PLEKHA6: variants seen among roughly 807,000 people sequenced by gnomAD.
PLEKHA6 encodes the protein pleckstrin homology domain containing A6, also known as pleckstrin homology domain-containing family A member 6.
In PLEKHA6, 60 loss-of-function variants were observed where a neutral mutation model predicts 116.7. That is an observed-to-expected ratio of 0.51 (90% CI 0.42 to 0.64). The LOEUF is 0.64. PLEKHA6 is among the 30% of genes least tolerant of loss of function. The pLI, the probability that PLEKHA6 is intolerant of heterozygous loss-of-function variation, is 0.00. For synonymous variants in PLEKHA6, 489 were observed against 556.1 expected, an observed-to-expected ratio of 0.88 and a Z score of 1.70; for missense variants, 1,338 against 1,422.7, an observed-to-expected ratio of 0.94 and a Z score of 0.96.
chr1:204,230,383 C>T (rs1660999921), intron 18 of PLEKHA6, 30 bp downstream of exon 18: 2 of 1,527,202 alleles, frequency 1.3e-6, no homozygotes, highest in Admixed American at 2.0e-5. Context: ...ATGCCAGGCT[C>T]ACGCCTGTGG....
At chr1:204,353,026 A>G (rs1427446424) in intron 1 of PLEKHA6, among the ~76,000 whole-genome samples, 1 of 152,144 alleles carries the variant, frequency 6.6e-6, no homozygotes, top group African/African-American at 2.4e-5. Context: ...TTTGCAACCT[A>G]GTACCTGCCT....
intron 1 of PLEKHA6, chr1:204,347,027 T>A: frequency 6.9e-7 from 1 of 1,440,454 alleles, no homozygotes; most frequent in Non-Finnish European, 9.7e-7. Flanking sequence ...TTAACTTGTT[T>A]GTTTACAACA....
chr1:204,279,147 G>A (rs1358949420), intron 1 of PLEKHA6, among the ~76,000 whole-genome samples: 1 of 152,168 alleles, frequency 6.6e-6, no homozygotes, highest in Non-Finnish European at 1.5e-5. Context: ...GGGAAAATGA[G>A]CTTTCTTCCT....
intron 3 of PLEKHA6, among the ~76,000 whole-genome samples, chr1:204,269,034 C>T (rs1667155392): frequency 6.6e-6 from 1 of 152,098 alleles, no homozygotes; most frequent in Admixed American, 6.5e-5. Flanking sequence ...TCCCCGGCTC[C>T]AGCACCCTCC....
chr1:204,349,765 C>A (rs760633735), intron 1 of PLEKHA6, among the ~76,000 whole-genome samples: 1 of 152,142 alleles, frequency 6.6e-6, no homozygotes, highest in Non-Finnish European at 1.5e-5. Context: ...GGTGATGGCA[C>A]CTGGAAGGTG....
chr1:204,246,622 A>G (rs575152688), intron 13 of PLEKHA6, among the ~76,000 whole-genome samples: 3 of 152,160 alleles, frequency 2.0e-5, no homozygotes, highest in Non-Finnish European at 4.4e-5. Context: ...AGGGCTTGCA[A>G]ACTAGCTAGA....
intron 3 of PLEKHA6, among the ~76,000 whole-genome samples, chr1:204,366,302 C>T (rs1673645641): frequency 6.6e-6 from 1 of 151,616 alleles, no homozygotes; most frequent in African/African-American, 2.4e-5. Flanking sequence ...CTATAACTGT[C>T]ATGTGATATT....
chr1:204,290,637 C>T (rs1292996484), intron 1 of PLEKHA6, among the ~76,000 whole-genome samples: 2 of 152,128 alleles, frequency 1.3e-5, no homozygotes. Context: ...ACAAAAAACG[C>T]ACCATCAAGA....
At chr1:204,362,194 C>A (rs533813983), upstream of PLEKHA6, among the ~76,000 whole-genome samples, 9 of 152,228 alleles carry the variant, frequency 5.9e-5, no homozygotes, top group Admixed American at 5.2e-4. Flanking sequence ...ACAGGTGAGG[C>A]GGATGGACCA....
intron 1 of PLEKHA6, among the ~76,000 whole-genome samples, chr1:204,319,145 G>A (rs1310004944): frequency 2.0e-5 from 3 of 152,210 alleles, no homozygotes; most frequent in Non-Finnish European, 4.4e-5. Flanking sequence ...GGAAAGAGGA[G>A]AAAGAAGACG....
chr1:204,330,546 C>T (rs940166351), intron 1 of PLEKHA6, among the ~76,000 whole-genome samples: 17 of 152,154 alleles, frequency 1.1e-4, no homozygotes, highest in African/African-American at 3.9e-4. Flanking sequence ...CTGTGCTAGG[C>T]GATAGTGCAA....
chr1:204,255,496 A>C, intron 9 of PLEKHA6: 1 of 621,512 alleles, frequency 1.6e-6, no homozygotes, highest in Non-Finnish European at 2.9e-6. Flanking sequence ...CCAAAACATA[A>C]GCCACTTTGT....
chr1:204,223,627 G>C lies in PLEKHA6; in HGVS notation c.3032-42C>G, dbSNP rs1659940159. 1.6e-6 allele frequency: 1 copy of C among 616,974 alleles called. No individual in the cohort carries two copies. Among genetic ancestry groups the C allele is most frequent in the East Asian group, 2.9e-5 (1 of 34,428 alleles). The allele number at this position is 616,974 out of a possible 1,614,324, so 38.2% of individuals were successfully genotyped here. A position where few individuals can be genotyped will look rare whatever the true frequency, so the allele number is the denominator to read the frequency against. On this transcript the variant is annotated intron_variant, in intron 21 of 22. Transcript: ENST00000272203. The surrounding 1 kb of genome is among the most constrained non-coding windows in gnomAD (Gnocchi z 4.8). ...ACAGGGAGGTGAATGGGGGTGGGTG[G>C]GGGAGGAGGGTGGGCACCCAGAGCA...
intron 1 of PLEKHA6, among the ~76,000 whole-genome samples, chr1:204,279,802 C>A (rs1050515046): frequency 6.6e-6 from 1 of 152,138 alleles, no homozygotes; most frequent in Non-Finnish European, 1.5e-5. Context: ...ATTTCTTGGG[C>A]CCTTAGTTTT....
intron 1 of PLEKHA6, among the ~76,000 whole-genome samples, chr1:204,333,604 C>T (rs1166955718): frequency 6.6e-6 from 1 of 152,188 alleles, no homozygotes; most frequent in East Asian, 1.9e-4. Flanking sequence ...TCTGAAGTTA[C>T]ACATCCTTAG....
At chr1:204,376,795 G>T (rs1980051) in intron 1 of PLEKHA6, among the ~76,000 whole-genome samples, 79,505 of 152,008 alleles carry the variant, frequency 0.52, 22,168 homozygotes, top group Non-Finnish European at 0.62. Flanking sequence ...GGAAGGAAAA[G>T]CTCGTCAAGT....
intron 1 of PLEKHA6, among the ~76,000 whole-genome samples, chr1:204,310,014 C>T (rs1219996580): frequency 2.0e-5 from 3 of 152,078 alleles, no homozygotes; most frequent in African/African-American, 4.8e-5. Context: ...TGTCACAAAA[C>T]ATCATTCTCC....
At chr1:204,346,000 C>G (rs1046542199) in intron 1 of PLEKHA6, among the ~76,000 whole-genome samples, 2 of 152,256 alleles carry the variant, frequency 1.3e-5, no homozygotes, top group African/African-American at 4.8e-5. Context: ...GCGAAGCTCA[C>G]CCTGCTAGCC....
At chr1:204,269,747 G>A (rs1221756530) in intron 3 of PLEKHA6, among the ~76,000 whole-genome samples, 2 of 152,122 alleles carry the variant, frequency 1.3e-5, no homozygotes, top group East Asian at 3.9e-4. Flanking sequence ...CTCCTTCCAA[G>A]GCTAAACACT....
Sources: allele counts gnomAD v4.1 joint callset (sites outside exome capture counted in the v4.1 genomes callset), GRCh38; gene constraint gnomAD v4.1.1; non-coding constraint Gnocchi (gnomAD v3.1); transcripts MANE v1.5; gene names NCBI Gene and HGNC (gene_info 2026-07-23, HGNC 2026-07-21).